The following PLCB2 variants were observed in gnomAD, a reference collection of about 807,000 sequenced individuals.
The protein encoded by PLCB2 is 1-phosphatidylinositol 4,5-bisphosphate phosphodiesterase beta-2.
A neutral mutation model predicts 141.7 loss-of-function variants in PLCB2; 115 were observed. The ratio of observed to expected loss-of-function variants is 0.81; its 90% CI spans 0.70 to 0.95. PLCB2 has a LOEUF of 0.95. PLCB2 is among the 40% of genes least tolerant of loss of function. PLCB2 has a pLI of 0.00. For missense variants in PLCB2, 1,403 were observed against 1,541.1 expected, an observed-to-expected ratio of 0.91 and a Z score of 1.50; for synonymous variants, 603 against 595.6, an observed-to-expected ratio of 1.01 and a Z score of -0.18.
At position 40,293,128 on chromosome 15, in the gene PLCB2, A is replaced by G. The variant is rs891872006; in HGVS notation, c.2227-103T>C. On this transcript the variant is annotated intron_variant, in intron 20 of 31. Coordinates refer to ENST00000260402, the MANE Select transcript of PLCB2 (RefSeq NM_004573.3). ...TCAGCATCAGTGTGAGAACATGGTG[A>G]GTGTCACCAGATTTGGTGAGGACAG... 7 of 690,092 alleles carry G rather than the reference A, an allele frequency of 1.0e-5. No individual in the cohort carries two copies. The African/African-American group carries it at 1.3e-4, about 12-fold the overall frequency. The allele number at this position is 690,092 out of a possible 1,614,324, so 42.7% of individuals were successfully genotyped here.
chr15:40,291,299 T>G lies in PLCB2; in HGVS notation c.2836A>C (p.Lys946Gln). Residue 946 changes from lysine (K) to glutamine (Q), a missense_variant, in exon 26 of 32, where the codon AAG (lysine) becomes CAG (glutamine). By Grantham distance (53) the Lys-to-Gln change is moderately conservative. Transcript: ENST00000260402. ...CGAGAGCCCTTGCCGGGACCGAGCTTGCAGGCCCCGACGCCCCCCACGCCC... is the reference window on the plus strand; with the variant it reads ...CGAGAGCCCTTGCCGGGACCGAGCTGGCAGGCCCCGACGCCCCCCACGCCC... Reference protein sequence around the residue: ...PPGVGGVGACKLGPGKGSRKK... With the variant: ...PPGVGGVGACQLGPGKGSRKK... The G allele has an allele frequency of 6.4e-7, 1 of 1,556,460 alleles. No homozygotes were observed. The highest frequency in any genetic ancestry group is 2.4e-5 in the East Asian group (1 of 42,304).
chr15:40,291,518 G>T, intron 25 of PLCB2, 31 bp from the exon 26 acceptor site: 1 of 1,599,572 alleles, frequency 6.3e-7, no homozygotes, highest in Non-Finnish European at 8.5e-7. Flanking sequence ...CGCAACACCG[G>T]CCAGGCCGTC....
At position 40,291,394 on chromosome 15, in the gene PLCB2, C is replaced by G; in HGVS notation, c.2741G>C (p.Arg914Pro). Residue 914 changes from arginine (R) to proline (P), a missense_variant, in exon 26 of 32, where the codon CGG (arginine) becomes CCG (proline). Transcript: ENST00000260402. ...RHEKELRELE[R>P]RGARRWEELL... is the part of the protein sequence containing the mutation. ...CTCCTCCCAGCGCCGCGCTCCGCGC[C>G]GCTCCAACTCTCGCAGCTCCTTCTC... 2.0e-6 allele frequency: 3 copies of G among 1,534,864 alleles called. No homozygotes were observed. Among genetic ancestry groups the G allele is most frequent in the Non-Finnish European group, 2.6e-6 (3 of 1,145,918 alleles).
chr15:40,284,412 G>C (rs2141006838), downstream of PLCB2: 7 of 422,316 alleles, frequency 1.7e-5, no homozygotes, highest in South Asian at 1.2e-4. Flanking sequence ...GTCACCTGAG[G>C]GCTGAATTCT....
In PLCB2 at chr15:40,295,034, A is replaced by G; in HGVS notation, c.1808T>C (p.Ile603Thr). 3 of 1,613,548 alleles carry G rather than the reference A, an allele frequency of 1.9e-6. No homozygotes were observed. The highest frequency in any genetic ancestry group is 2.5e-6 in the Non-Finnish European group (3 of 1,179,580). The change falls in exon 18 of 32, where the codon ATT (isoleucine) becomes ACT (threonine). Residue 603 changes from isoleucine (I) to threonine (T), a missense_variant. Transcript: ENST00000260402. ...VDYNKRQMSR[I>T]YPKGTRMDSS... ...GTCCATGCGGGTTCCCTTGGGGTAA[A>G]TGCGGCTCATCTGGCGCTTGTTGTA...
Position 40,293,010 on chromosome 15 carries a change from G to A in PLCB2, c.2242C>T (p.Leu748=), listed in dbSNP as rs1386706175. The change falls in exon 21 of 32, where the codon CTG becomes TTG. Residue 748 remains leucine (L), a synonymous_variant. Coordinates refer to ENST00000260402, the MANE Select transcript of PLCB2 (RefSeq NM_004573.3). ...ATCACAGCCACTCTGAGGGAGGCCA[G>A]CTCAGGCATCAAGATCTGGGGAGAG... ...FVFEKILMPE[L]ASLRVAVMEE... 6.2e-7 allele frequency: 1 copy of A among 1,601,174 alleles called. No homozygotes were observed. Among genetic ancestry groups the A allele is most frequent in the South Asian group, 1.1e-5 (1 of 89,462 alleles).
intron 19 of PLCB2, 124 bp from the exon 20 acceptor site, chr15:40,293,848 C>T: frequency 1.1e-6 from 1 of 912,936 alleles, no homozygotes; most frequent in East Asian, 2.6e-5. Flanking sequence ...GAACCTCACT[C>T]AGCTCTGGCC....
At position 40,287,997 on chromosome 15, in the gene PLCB2, C is replaced by T; in HGVS notation, c.*718G>A. The stretch of plus-strand genomic sequence containing the variant: ...GGAGAGCAAATGATGCTGACCTTGT[C>T]AGGCAGGCAGCCTGAGAGGGGTACA... On this transcript the variant is annotated 3_prime_UTR_variant, in exon 32 of 32. Coordinates refer to ENST00000260402, the MANE Select transcript of PLCB2 (RefSeq NM_004573.3). 1.0e-6 allele frequency: 1 copy of T among 985,086 alleles called. No individual in the cohort carries two copies. The highest frequency in any genetic ancestry group is 1.2e-6 in the Non-Finnish European group (1 of 829,626). 61.0% of individuals were successfully genotyped at this position (985,086 alleles called of 1,614,324 possible).
chr15:40,299,581 C>G (rs1023948002), intron 7 of PLCB2, among the ~76,000 whole-genome samples: 5 of 152,024 alleles, frequency 3.3e-5, no homozygotes, highest in Admixed American at 3.3e-4. Flanking sequence ...CAAAAAGAAG[C>G]AATTTGAATA....
At chr15:40,298,444 C>T (rs968073984) in intron 10 of PLCB2, 64 bp from the exon 11 acceptor site, 53 of 1,575,772 alleles carry the variant, frequency 3.4e-5, no homozygotes, top group African/African-American at 1.5e-4. Context: ...CTCCCCCTAC[C>T]GCCACTCCAT....
Position 40,295,291 on chromosome 15 carries a change from T to C in PLCB2, c.1697-6A>G, listed in dbSNP as rs1238086418. The C allele has an allele frequency of 6.2e-7, 1 of 1,601,830 alleles. No homozygotes were observed. Among genetic ancestry groups the C allele is most frequent in the South Asian group, 1.1e-5 (1 of 90,844 alleles). On this transcript the variant is annotated splice_polypyrimidine_tract_variant and splice_region_variant and intron_variant, in intron 16 of 31. Coordinates refer to ENST00000260402, the MANE Select transcript of PLCB2 (RefSeq NM_004573.3). ...GACATAACTTCGGTTCTTTTCTATA[T>C]AGGGGAGAAAGGGAGGGGAGGAGTT...
At position 40,290,006 on chromosome 15, in the gene PLCB2, G is replaced by A. The variant is rs755685339; in HGVS notation, c.3267+19C>T. ...GTGTGTGTGTGTGTGTGTTTAGGAA[G>A]GACACAGCCCTTACACACCTGCTTG... On this transcript the variant is annotated intron_variant, in intron 30 of 31. Coordinates refer to ENST00000260402, the MANE Select transcript of PLCB2 (RefSeq NM_004573.3). 5 of 1,305,770 alleles carry A rather than the reference G, an allele frequency of 3.8e-6. No individual in the cohort carries two copies. In the African/African-American group the frequency reaches 4.4e-5, roughly 12 times the overall value. The allele number at this position is 1,305,770 out of a possible 1,614,324, so 80.9% of individuals were successfully genotyped here. A position where few individuals can be genotyped will look rare whatever the true frequency, so the allele number is the denominator to read the frequency against.
rs372937887 is a variant in PLCB2, at chr15:40,299,221, G to A, written c.590C>T (p.Ala197Val). The A allele has an allele frequency of 1.9e-6, 3 of 1,611,436 alleles. No homozygotes were observed. Among genetic ancestry groups the A allele is most frequent in the South Asian group, 2.2e-5 (2 of 91,024 alleles). Residue 197 changes from alanine (A) to valine (V), a missense_variant, in exon 8 of 32, where the codon GCC becomes GTC. By Grantham distance (64) the Ala-to-Val change is moderately conservative. Around this residue, in one of 4 missense-constraint regions of PLCB2, gnomAD observed 975 missense variants for 1,141.1 expected, o/e 0.85. Transcript: ENST00000260402. ...TTCTGGGAAGTCCTCAGGATTGATG[G>A]CGTCATTCTAGGGGCATAGTAACCT... ...ACHLPKGKND[A>V]INPEDFPEPV...
chr15:40,300,497 CA>C (rs2040449835), intron 7 of PLCB2, among the ~76,000 whole-genome samples: 1 of 151,916 alleles, frequency 6.6e-6, no homozygotes, highest in Admixed American at 6.6e-5. Flanking sequence ...CCAAAAAGTA[CA>C]AAAAACCCAA....
chr15:40,296,532 T>C lies in PLCB2; in HGVS notation c.1589A>G (p.Gln530Arg). The change falls in exon 15 of 32, where the codon CAG becomes CGG. Residue 530 changes from glutamine to arginine, a missense_variant. Physicochemically the swap from Gln to Arg is conservative, Grantham distance 43. Coordinates refer to ENST00000260402, the MANE Select transcript of PLCB2 (RefSeq NM_004573.3). Reference sequence around the variant, plus strand: ...GCTACCCCCACACACCTCATCCGACTGCATCTTCTTAATCTCTTCTTCATC... The same window carrying C: ...GCTACCCCCACACACCTCATCCGACCGCATCTTCTTAATCTCTTCTTCATC... ...NLDEEEIKKM[Q>R]SDEGTAGLEV... The C allele has an allele frequency of 6.2e-7, 1 of 1,614,036 alleles. No homozygotes were observed. Among genetic ancestry groups the C allele is most frequent in the African/African-American group, 1.3e-5 (1 of 75,042 alleles).
rs116284463 is a variant in PLCB2, at chr15:40,298,025, T to G, written c.1156-66A>C. ...CCGACTGCCTGTCTCGTGATAGCACTTTTCCCCCCTGCCTAGTTTCAATAC... is the reference window on the plus strand; with the variant it reads ...CCGACTGCCTGTCTCGTGATAGCACGTTTCCCCCCTGCCTAGTTTCAATAC... On this transcript the variant is annotated intron_variant, in intron 11 of 31. Transcript: ENST00000260402. 122 of 1,289,332 alleles carry G rather than the reference T, an allele frequency of 9.5e-5. 1 individual carries two copies. In the South Asian group the frequency reaches 1.3e-3, roughly 14 times the overall value. The allele number at this position is 1,289,332 out of a possible 1,614,324, so 79.9% of individuals were successfully genotyped here. A position where few individuals can be genotyped will look rare whatever the true frequency, so the allele number is the denominator to read the frequency against.
intron 15 of PLCB2, 22 bp downstream of exon 15, chr15:40,296,500 G>T (rs780251303): frequency 7.4e-6 from 12 of 1,613,680 alleles, no homozygotes; most frequent in East Asian, 4.5e-5. Context: ...ACACAGAGGG[G>T]CCTGGGGCTA....
In PLCB2 at chr15:40,293,008, C is replaced by T. The variant is rs2040017460; in HGVS notation, c.2244G>A (p.Leu748=). 6.2e-7 allele frequency: 1 copy of T among 1,600,956 alleles called. No homozygotes were observed. The highest frequency in any genetic ancestry group is 8.5e-7 in the Non-Finnish European group (1 of 1,172,742). ...FVFEKILMPE[L]ASLRVAVMEE... is the part of the protein sequence containing the mutation. Reference sequence around the variant, plus strand: ...CCATCACAGCCACTCTGAGGGAGGCCAGCTCAGGCATCAAGATCTGGGGAG... The same window carrying T: ...CCATCACAGCCACTCTGAGGGAGGCTAGCTCAGGCATCAAGATCTGGGGAG... Residue 748 remains leucine (L), a synonymous_variant, in exon 21 of 32, where the codon CTG becomes CTA. Coordinates refer to ENST00000260402, the MANE Select transcript of PLCB2 (RefSeq NM_004573.3).
chr15:40,303,761 G>GTC (rs2040647585), intron 2 of PLCB2: 9 of 521,728 alleles, frequency 1.7e-5, no homozygotes, highest in South Asian at 4.9e-5. Context: ...GCTTTCGCCT[G>GTC]TCTCTCTCTC....
Sources: gnomAD v4.1 joint callset for allele counts (sites outside exome capture counted in the v4.1 genomes callset) on GRCh38, gnomAD v4.1.1 for gene constraint, gnomAD v4.1.1 regional missense constraint, MANE v1.5 for transcripts, NCBI Gene and HGNC (gene_info 2026-07-23, HGNC 2026-07-21) for gene names.